Variants in MICAL3 observed in about 807,000 individuals in gnomAD.
The protein encoded by MICAL3 is [F-actin]-monooxygenase MICAL3.
MICAL3 carries 62 observed loss-of-function variants against 207.4 expected under a neutral mutation model. The observed-to-expected ratio is 0.30, with a 90% CI of 0.24 to 0.37. MICAL3 has a LOEUF of 0.37. MICAL3 is among the 10% of genes least tolerant of loss of function. MICAL3 has a pLI of 1.00. For missense variants in MICAL3, 2,368 were observed against 2,635.6 expected (o/e 0.90, Z 2.22); for synonymous variants, 1,077 against 1,069.3 (o/e 1.01, Z -0.14).
intron 2 of MICAL3, among the ~76,000 whole-genome samples, chr22:17,905,830 G>A (rs917941921): frequency 6.6e-6 from 1 of 152,148 alleles, no homozygotes; most frequent in Non-Finnish European, 1.5e-5. Flanking sequence ...CTTTGCTTGG[G>A]CCTACCTGCT....
At chr22:18,002,661 A>G (rs1242858387) in intron 1 of MICAL3, among the ~76,000 whole-genome samples, 2 of 152,014 alleles carry the variant, frequency 1.3e-5, no homozygotes, top group Non-Finnish European at 2.9e-5. Flanking sequence ...TATAGAGCGA[A>G]TTGAACCAAA....
At chr22:18,015,995 A>G (rs1383515281) in intron 1 of MICAL3, among the ~76,000 whole-genome samples, 1 of 152,088 alleles carries the variant, frequency 6.6e-6, no homozygotes, top group Non-Finnish European at 1.5e-5. Flanking sequence ...AATTTAAAAA[A>G]CCTTTGTTAA....
chr22:17,933,864 A>G (rs1012161605), intron 1 of MICAL3, among the ~76,000 whole-genome samples: 1 of 152,258 alleles, frequency 6.6e-6, no homozygotes, highest in Admixed American at 6.5e-5. Flanking sequence ...CATAAACTAG[A>G]AAATCTAGAA....
chr22:18,017,610 G>C (rs1252994122), intron 1 of MICAL3, among the ~76,000 whole-genome samples: 1 of 151,360 alleles, frequency 6.6e-6, no homozygotes, highest in Non-Finnish European at 1.5e-5. Flanking sequence ...TCTTGAGACA[G>C]AGTGTCACTC....
chr22:17,860,968 T>C, intron 19 of MICAL3: 1 of 983,794 alleles, frequency 1.0e-6, no homozygotes, highest in Non-Finnish European at 1.2e-6. Flanking sequence ...TATCTACCCA[T>C]ATATGTGCAA....
intron 1 of MICAL3, among the ~76,000 whole-genome samples, chr22:17,947,137 A>G (rs1173467252): frequency 6.6e-6 from 1 of 152,240 alleles, no homozygotes; most frequent in Non-Finnish European, 1.5e-5. Flanking sequence ...GCAAGGCCAC[A>G]TGGCTGGATT....
At chr22:17,876,467 T>C (rs1248507123) in intron 16 of MICAL3, 3 of 152,374 alleles carry the variant, frequency 2.0e-5, no homozygotes, top group African/African-American at 7.2e-5. Context: ...AGTTACCTGG[T>C]ACTTCAACAC....
chr22:17,873,390 C>T (rs1315544299), intron 16 of MICAL3, among the ~76,000 whole-genome samples: 1 of 152,272 alleles, frequency 6.6e-6, no homozygotes, highest in African/African-American at 2.4e-5. Flanking sequence ...TGCTTCCTGA[C>T]GCTTGACCCC....
chr22:17,834,410 G>C, intron 20 of MICAL3: 1 of 1,284,770 alleles, frequency 7.8e-7, no homozygotes, highest in Non-Finnish European at 1.0e-6. Context: ...ACACAAAGGT[G>C]ACACAGAAAA....
chr22:17,977,503 G>C lies in MICAL3; in HGVS notation c.-75+46778C>G, dbSNP rs1410347728. 4.0e-5 allele frequency among the ~76,000 whole-genome samples: 6 copies of C among 151,066 alleles called. No individual in the cohort carries two copies. In the East Asian group the frequency reaches 5.8e-4, roughly 15 times the overall value. On this transcript the variant is annotated intron_variant, in intron 1 of 31. Coordinates refer to ENST00000441493, the MANE Select transcript of MICAL3 (RefSeq NM_015241.3). ...AAATGCAAATCAAACCCTCAAATGAGGTATCACTTCATACCCACTAGGAAG... is the reference window on the plus strand; with the variant it reads ...AAATGCAAATCAAACCCTCAAATGACGTATCACTTCATACCCACTAGGAAG...
chr22:17,946,013 T>G (rs1934048418), intron 1 of MICAL3, among the ~76,000 whole-genome samples: 1 of 152,064 alleles, frequency 6.6e-6, no homozygotes, highest in Non-Finnish European at 1.5e-5. Context: ...AAATCCAGAT[T>G]GAAAGTCAGG....
intron 29 of MICAL3, among the ~76,000 whole-genome samples, chr22:17,795,877 A>T (rs562383749): frequency 9.0e-6 from 1 of 110,828 alleles, no homozygotes; most frequent in East Asian, 3.1e-4. Flanking sequence ...CCTGACTGGA[A>T]CCTGACTGAG....
chr22:17,965,137 A>AAGAGAGTTTGAGACCAGC (rs1935086877), intron 1 of MICAL3, among the ~76,000 whole-genome samples: 1 of 151,376 alleles, frequency 6.6e-6, no homozygotes, highest in Admixed American at 6.6e-5. Flanking sequence ...ATTTAAAAAG[A>AAGAGAGTTTGAGACCAGC]AGAGAGTTTG....
chr22:17,796,435 C>CA lies in MICAL3; in HGVS notation c.5651-5135dup, dbSNP rs954117731. Among the ~76,000 whole-genome samples, 1 of 152,252 alleles carries CA rather than the reference C, an allele frequency of 6.6e-6. No individual in the cohort carries two copies. The highest frequency in any genetic ancestry group is 6.5e-5 in the Admixed American group (1 of 15,294). Reference sequence around the variant, plus strand: ...TCAGGGCGCCCTCGCATGCACCACCCACGTGATCCTCACACCGGCCAGGTG... The same window carrying CA: ...TCAGGGCGCCCTCGCATGCACCACCCAACGTGATCCTCACACCGGCCAGGTG... On this transcript the variant is annotated intron_variant, in intron 29 of 31. Transcript: ENST00000441493. The surrounding 1 kb of genome is among the most constrained non-coding windows in gnomAD (Gnocchi z 4.4).
chr22:17,801,000 G>T (rs1263707002), intron 29 of MICAL3, among the ~76,000 whole-genome samples: 1 of 152,142 alleles, frequency 6.6e-6, no homozygotes, highest in Non-Finnish European at 1.5e-5. Context: ...CCCCCACGTG[G>T]TGGGCAGAAC....
chr22:17,871,945 T>A lies in MICAL3; in HGVS notation c.2320A>T (p.Met774Leu). Residue 774 changes from methionine to leucine, a missense_variant, in exon 17 of 32, where the codon ATG (methionine) becomes TTG (leucine). By Grantham distance (15) the Met-to-Leu change is conservative. Around this residue, in one of 4 missense-constraint regions of MICAL3, gnomAD observed 1,770 missense variants for 1,863.2 expected, o/e 0.95. Coordinates refer to ENST00000441493, the MANE Select transcript of MICAL3 (RefSeq NM_015241.3). ...TTGCCCTCGGCACTCAGCCTCTCCATCACGTAGACCCGCTTCTGGCAGAAG... is the reference window on the plus strand; with the variant it reads ...TTGCCCTCGGCACTCAGCCTCTCCAACACGTAGACCCGCTTCTGGCAGAAG... Reference protein sequence around the residue: ...CYFCQKRVYVMERLSAEGKFF... With the variant: ...CYFCQKRVYVLERLSAEGKFF... 6.2e-7 allele frequency: 1 copy of A among 1,611,296 alleles called. No homozygotes were observed.
chr22:17,968,255 C>T (rs116057963), intron 1 of MICAL3, among the ~76,000 whole-genome samples: 3,243 of 152,062 alleles, frequency 0.021, 106 homozygotes, highest in African/African-American at 0.074. Flanking sequence ...GTGCCCAGTG[C>T]CGAGCCCTGC....
intron 19 of MICAL3, among the ~76,000 whole-genome samples, chr22:17,844,054 G>C (rs1157307686): frequency 6.6e-6 from 1 of 152,160 alleles, no homozygotes; most frequent in Non-Finnish European, 1.5e-5. Context: ...CACCATGTTA[G>C]CCAGGATGGT....
Position 17,830,137 on chromosome 22 carries a change from A to AG in MICAL3, c.3055+1716dup, listed in dbSNP as rs1922643268. On this transcript the variant is annotated intron_variant, in intron 21 of 31. Coordinates refer to ENST00000441493, the MANE Select transcript of MICAL3 (RefSeq NM_015241.3). ...CACTGGCCTTGCAGTTCTGTGTCCC[A>AG]GGGGCAGTACTCCCCTTCTACAGCA... Among the ~76,000 whole-genome samples, 6 of 152,224 alleles carry AG rather than the reference A, an allele frequency of 3.9e-5. No individual in the cohort carries two copies. The South Asian group carries it at 1.2e-3, about 32-fold the overall frequency.
Sources: gnomAD v4.1 joint callset for allele counts (sites outside exome capture counted in the v4.1 genomes callset) on GRCh38, gnomAD v4.1.1 for gene constraint, gnomAD v4.1.1 regional missense constraint, Gnocchi (gnomAD v3.1) non-coding constraint, MANE v1.5 for transcripts, NCBI Gene and HGNC (gene_info 2026-07-23, HGNC 2026-07-21) for gene names.